Variants in CALM3 observed in about 807,000 individuals in gnomAD.
CALM3 encodes the protein calmodulin-3.
Under a neutral mutation model 20.1 loss-of-function variants are expected in CALM3, and 5 were observed. That is an observed-to-expected ratio of 0.25 (90% CI 0.13 to 0.52). The LOEUF (loss-of-function observed/expected upper bound fraction) is 0.52, where lower values mean the gene tolerates loss of function less well. Ranked by LOEUF, CALM3 falls within the 20% of genes least tolerant of loss-of-function variation. The pLI, the probability that CALM3 is intolerant of heterozygous loss-of-function variation, is 0.96. For synonymous variants in CALM3, 69 were observed against 68.1 expected, an observed-to-expected ratio of 1.01 and a Z score of -0.06; for missense variants, 57 against 192.8, an observed-to-expected ratio of 0.30 and a Z score of 4.17.
chr19:46,608,796 C>T lies in CALM3; in HGVS notation c.286-50C>T, dbSNP rs1408708013. 2.0e-6 allele frequency: 3 copies of T among 1,526,400 alleles called. No individual in the cohort carries two copies. The Admixed American group carries it at 6.2e-5, about 31-fold the overall frequency. 94.6% of individuals were successfully genotyped at this position (1,526,400 alleles called of 1,614,324 possible). A position where few individuals can be genotyped will look rare whatever the true frequency, so the allele number is the denominator to read the frequency against. Reference sequence around the variant, plus strand: ...GACAGCCACCCCTCTCACTGCCTCTCTCCCCACCGGGAGAAGTGCCCAGTG... The same window carrying T: ...GACAGCCACCCCTCTCACTGCCTCTTTCCCCACCGGGAGAAGTGCCCAGTG... On this transcript the variant is annotated intron_variant, in intron 4 of 5. Coordinates refer to ENST00000291295, the MANE Select transcript of CALM3 (RefSeq NM_005184.4). This position sits in a 1 kb window ranked among gnomAD's most constrained non-coding sequence, Gnocchi z 5.5.
chr19:46,609,369 T>G lies in CALM3; in HGVS notation c.*216T>G. On this transcript the variant is annotated 3_prime_UTR_variant, in exon 6 of 6. Transcript: ENST00000291295. ...TCTCCATGCCCCTCATCTCTTCCTT[T>G]TGCCCTCGCCTCTTCCATCCATGTC... 1.6e-6 allele frequency: 1 copy of G among 609,320 alleles called. No individual in the cohort carries two copies. The highest frequency in any genetic ancestry group is 2.9e-6 in the Non-Finnish European group (1 of 340,600). The allele number at this position is 609,320 out of a possible 1,614,324, so 37.7% of individuals were successfully genotyped here.
chr19:46,610,775 C>T lies in CALM3; in HGVS notation c.*1622C>T, dbSNP rs925705869. On this transcript the variant is annotated 3_prime_UTR_variant, in exon 6 of 6. Transcript: ENST00000291295. ...AATGTTTTCCAATAAAATACAGTGA[C>T]TACCTGATTTGGCTCCTCTCCTCCT... 6.5e-6 allele frequency: 1 copy of T among 152,714 alleles called. No homozygotes were observed. Among genetic ancestry groups the T allele is most frequent in the Non-Finnish European group, 1.5e-5 (1 of 68,130 alleles). 9.5% of individuals were successfully genotyped at this position (152,714 alleles called of 1,614,324 possible). A position where few individuals can be genotyped will look rare whatever the true frequency, so the allele number is the denominator to read the frequency against.
In CALM3 at chr19:46,608,426, C is replaced by G; in HGVS notation, c.179-56C>G. The G allele has an allele frequency of 6.2e-7, 1 of 1,609,050 alleles. No homozygotes were observed. Among genetic ancestry groups the G allele is most frequent in the East Asian group, 2.2e-5 (1 of 44,840 alleles). On this transcript the variant is annotated intron_variant, in intron 3 of 5. Coordinates refer to ENST00000291295, the MANE Select transcript of CALM3 (RefSeq NM_005184.4). The surrounding 1 kb of genome is among the most constrained non-coding windows in gnomAD (Gnocchi z 5.5). ...GCCTCTCTCAGGGTGATGGATGAGCCCGTGTCTCTCAGGGCCCAGGCCAAG... is the reference window on the plus strand; with the variant it reads ...GCCTCTCTCAGGGTGATGGATGAGCGCGTGTCTCTCAGGGCCCAGGCCAAG...
At chr19:46,603,030 A>G (rs1971667258) in intron 1 of CALM3, among the ~76,000 whole-genome samples, 2 of 152,190 alleles carry the variant, frequency 1.3e-5, no homozygotes, top group South Asian at 4.1e-4. Flanking sequence ...GTGTCTGTTA[A>G]TTCACAGGGC....
Position 46,608,146 on chromosome 19 carries a change from G to T in CALM3, c.35-51G>T, listed in dbSNP as rs373292581. ...AAGGCATCCAGCATCCAGAGGTAAG[G>T]ATTCTCCTGTGGACCTTGTGACCTC... On this transcript the variant is annotated intron_variant, in intron 2 of 5. Coordinates refer to ENST00000291295, the MANE Select transcript of CALM3 (RefSeq NM_005184.4). This position sits in a 1 kb window ranked among gnomAD's most constrained non-coding sequence, Gnocchi z 5.5. 1.9e-6 allele frequency: 3 copies of T among 1,579,246 alleles called. No homozygotes were observed. The highest frequency in any genetic ancestry group is 2.7e-5 in the African/African-American group (2 of 74,294).
At chr19:46,602,438 G>A (rs1007561293) in intron 1 of CALM3, among the ~76,000 whole-genome samples, 2 of 137,944 alleles carry the variant, frequency 1.4e-5, no homozygotes, top group African/African-American at 5.3e-5. Context: ...GAGGTGGAAG[G>A]AGAAAATGAA....
chr19:46,601,907 G>A lies in CALM3; in HGVS notation c.3+470G>A, dbSNP rs546326788. Reference sequence around the variant, plus strand: ...GGAACGGGGGACGAAGGGAGGCTGGGCTGCTCCTGGATGGGGTGGTGGAGG... The same window carrying A: ...GGAACGGGGGACGAAGGGAGGCTGGACTGCTCCTGGATGGGGTGGTGGAGG... On this transcript the variant is annotated intron_variant, in intron 1 of 5. Transcript: ENST00000291295. The surrounding 1 kb of genome is among the most constrained non-coding windows in gnomAD (Gnocchi z 4.2). Among the ~76,000 whole-genome samples the A allele has an allele frequency of 2.6e-5, 4 of 152,094 alleles. No individual in the cohort carries two copies. In the East Asian group the frequency reaches 7.8e-4, roughly 30 times the overall value.
Position 46,601,618 on chromosome 19 carries a change from CAG to C in CALM3, c.3+184_3+185del, listed in dbSNP as rs1423968420. Reference sequence around the variant, plus strand: ...ACCCAGAGCGGGACGTCTGGATCACCAGAGGTTTCCAGAAGCGACTTTAGCAC... The same window carrying C: ...ACCCAGAGCGGGACGTCTGGATCACCAGGTTTCCAGAAGCGACTTTAGCAC... On this transcript the variant is annotated intron_variant, in intron 1 of 5. Transcript: ENST00000291295. This position sits in a 1 kb window ranked among gnomAD's most constrained non-coding sequence, Gnocchi z 4.2. Among the ~76,000 whole-genome samples the C allele has an allele frequency of 1.3e-5, 2 of 152,194 alleles. No homozygotes were observed. The highest frequency in any genetic ancestry group is 2.9e-5 in the Non-Finnish European group (2 of 68,032).
intron 1 of CALM3, chr19:46,602,248 C>T: frequency 7.5e-7 from 1 of 1,333,268 alleles, no homozygotes; most frequent in Non-Finnish European, 1.0e-6. Flanking sequence ...GGGACAGGGA[C>T]CCTTGGGGTT....
upstream of CALM3, chr19:46,601,102 GA>G: frequency 3.1e-6 from 3 of 952,886 alleles, no homozygotes; most frequent in Non-Finnish European, 4.6e-6. This position sits in a 1 kb window ranked among gnomAD's most constrained non-coding sequence, Gnocchi z 4.2. Flanking sequence ...CCGGCGACGG[GA>G]GCGAGCGCGC....
Position 46,609,135 on chromosome 19 carries a change from G to A in CALM3, c.432G>A (p.Gln144=), listed in dbSNP as rs1244172074. ...TGCTTCACTCCACAGAGTTTGTACAGATGATGACTGCAAAGTGAAGGCCCC... is the reference window on the plus strand; with the variant it reads ...TGCTTCACTCCACAGAGTTTGTACAAATGATGACTGCAAAGTGAAGGCCCC... The part of the protein sequence containing the change: ...DGQVNYEEFV[Q]MMTAK Residue 144 remains glutamine (Q), a synonymous_variant, in exon 6 of 6, where the codon CAG becomes CAA. Coordinates refer to ENST00000291295, the MANE Select transcript of CALM3 (RefSeq NM_005184.4). The A allele has an allele frequency of 1.9e-6, 3 of 1,614,022 alleles. No individual in the cohort carries two copies. Among genetic ancestry groups the A allele is most frequent in the South Asian group, 2.2e-5 (2 of 91,076 alleles).
rs768965117 is a variant in CALM3, at chr19:46,605,870, T to C, written c.34+13T>C. On this transcript the variant is annotated intron_variant, in intron 2 of 5. Transcript: ENST00000291295. This position sits in a 1 kb window ranked among gnomAD's most constrained non-coding sequence, Gnocchi z 4.1. ...GAGCAGATTGCAGGTGAGTCTGCTATCCCCCTCATCTTAGCTCAGGAAAGC... is the reference window on the plus strand; with the variant it reads ...GAGCAGATTGCAGGTGAGTCTGCTACCCCCCTCATCTTAGCTCAGGAAAGC... 4 of 1,613,502 alleles carry C rather than the reference T, an allele frequency of 2.5e-6. No individual in the cohort carries two copies. The highest frequency in any genetic ancestry group is 3.4e-6 in the Non-Finnish European group (4 of 1,179,478).
rs1971815254 is a variant in CALM3 at position 46,609,169 on chromosome 19, C to T, written c.*16C>T. The stretch of plus-strand genomic sequence containing the variant: ...TGCAAAGTGAAGGCCCCCCGGGCAG[C>T]TGGCGATGCCCGTTCTCTTGATCTC... On this transcript the variant is annotated 3_prime_UTR_variant, in exon 6 of 6. Coordinates refer to ENST00000291295, the MANE Select transcript of CALM3 (RefSeq NM_005184.4). 1 of 1,613,484 alleles carries T rather than the reference C, an allele frequency of 6.2e-7. No individual in the cohort carries two copies. Among genetic ancestry groups the T allele is most frequent in the East Asian group, 2.2e-5 (1 of 44,850 alleles).
At chr19:46,607,489 CT>C (rs1343716767) in intron 2 of CALM3, among the ~76,000 whole-genome samples, 1 of 152,214 alleles carries the variant, frequency 6.6e-6, no homozygotes, top group Non-Finnish European at 1.5e-5. Flanking sequence ...CTCCCTGCCC[CT>C]GATGCGGCCC....
upstream of CALM3, chr19:46,601,108 G>C: frequency 1.2e-6 from 1 of 810,330 alleles, no homozygotes; most frequent in Admixed American, 3.0e-5. This position sits in a 1 kb window ranked among gnomAD's most constrained non-coding sequence, Gnocchi z 4.2. Context: ...ACGGGAGCGA[G>C]CGCGCGCGCG....
intron 1 of CALM3, chr19:46,602,248 C>A: frequency 7.5e-7 from 1 of 1,333,264 alleles, no homozygotes; most frequent in Non-Finnish European, 1.0e-6. Flanking sequence ...GGGACAGGGA[C>A]CCTTGGGGTT....
At position 46,608,814 on chromosome 19, in the gene CALM3, GC is replaced by G; in HGVS notation, c.286-29del. The G allele has an allele frequency of 6.5e-7, 1 of 1,534,410 alleles. No individual in the cohort carries two copies. The highest frequency in any genetic ancestry group is 8.8e-7 in the Non-Finnish European group (1 of 1,141,558). ...TGCCTCTCTCCCCACCGGGAGAAGT[GC>G]CCAGTGAAAGGCTTTATCCCCAACC... On this transcript the variant is annotated intron_variant, in intron 4 of 5. Coordinates refer to ENST00000291295, the MANE Select transcript of CALM3 (RefSeq NM_005184.4). The surrounding 1 kb of genome is among the most constrained non-coding windows in gnomAD (Gnocchi z 5.5).
At chr19:46,601,149 T>G, upstream of CALM3, 1 of 600,512 alleles carries the variant, frequency 1.7e-6, no homozygotes, top group Admixed American at 3.4e-5. This position sits in a 1 kb window ranked among gnomAD's most constrained non-coding sequence, Gnocchi z 4.2. Context: ...CTGTGCAGGG[T>G]GGGGACGAGA....
intron 2 of CALM3, among the ~76,000 whole-genome samples, chr19:46,607,698 G>T (rs1329451790): frequency 6.6e-6 from 1 of 152,248 alleles, no homozygotes; most frequent in Non-Finnish European, 1.5e-5. Context: ...GAACAGGGCT[G>T]CCAGTCAGAA....
Sources: gnomAD v4.1 joint callset for allele counts (sites outside exome capture counted in the v4.1 genomes callset) on GRCh38, gnomAD v4.1.1 for gene constraint, Gnocchi (gnomAD v3.1) non-coding constraint, MANE v1.5 for transcripts, NCBI Gene and HGNC (gene_info 2026-07-23, HGNC 2026-07-21) for gene names.